Variants in FAF1 observed in about 807,000 individuals in gnomAD.
The protein encoded by FAF1 is Fas associated factor 1.
Under a neutral mutation model 92.5 loss-of-function variants are expected in FAF1, and 25 were observed. The observed-to-expected ratio is 0.27, with a 90% CI of 0.20 to 0.38. FAF1 has a LOEUF of 0.38. FAF1 is among the 10% of genes least tolerant of loss of function. The probability of loss-of-function intolerance (pLI) is 1.00; values close to 1 mark genes in which losing one functional copy is unlikely to be tolerated. For missense variants in FAF1, 636 were observed against 793.3 expected (o/e 0.80, Z 2.38); for synonymous variants, 234 against 273.2 (o/e 0.86, Z 1.42).
At chr1:50,538,029 T>C (rs1414528415) in intron 14 of FAF1, among the ~76,000 whole-genome samples, 1 of 152,088 alleles carries the variant, frequency 6.6e-6, no homozygotes, top group Non-Finnish European at 1.5e-5. Context: ...TTTTATAACA[T>C]ACATTGGTCA....
chr1:50,496,806 T>G (rs1282234800), intron 15 of FAF1, among the ~76,000 whole-genome samples: 2 of 151,980 alleles, frequency 1.3e-5, no homozygotes, highest in East Asian at 3.9e-4. Flanking sequence ...GGATAATTGC[T>G]TGAACCTGGG....
chr1:50,739,486 T>A (rs1198643449), intron 5 of FAF1, among the ~76,000 whole-genome samples: 1 of 152,176 alleles, frequency 6.6e-6, no homozygotes, highest in African/African-American at 2.4e-5. Context: ...AGCATAAACC[T>A]GAATGTTAAT....
At chr1:50,929,122 CA>C (rs1158014493) in intron 1 of FAF1, among the ~76,000 whole-genome samples, 1 of 144,920 alleles carries the variant, frequency 6.9e-6, no homozygotes. Flanking sequence ...GGAAGGCTAG[CA>C]AAATGATTCT....
At chr1:50,566,451 T>C (rs1010408787) in intron 13 of FAF1, among the ~76,000 whole-genome samples, 3 of 152,184 alleles carry the variant, frequency 2.0e-5, no homozygotes, top group South Asian at 2.1e-4. Context: ...ATATTTCAGA[T>C]GGGAAACTGA....
chr1:50,531,718 C>A (rs1648179639), intron 15 of FAF1, among the ~76,000 whole-genome samples: 1 of 152,032 alleles, frequency 6.6e-6, no homozygotes, highest in South Asian at 2.1e-4. Context: ...AAACAGAGAT[C>A]CATATAATGT....
chr1:50,576,876 A>T (rs1452284323), intron 12 of FAF1, among the ~76,000 whole-genome samples: 1 of 146,760 alleles, frequency 6.8e-6, no homozygotes, highest in Non-Finnish European at 1.5e-5. Flanking sequence ...CATGTTGCCC[A>T]GTCTGGTCTA....
chr1:50,507,033 G>A (rs1052398420), intron 15 of FAF1, among the ~76,000 whole-genome samples: 1 of 152,154 alleles, frequency 6.6e-6, no homozygotes, highest in Admixed American at 6.6e-5. Flanking sequence ...GCTCTACCGA[G>A]GAAAATTATC....
At chr1:50,895,903 A>C (rs1426961216) in intron 1 of FAF1, among the ~76,000 whole-genome samples, 1 of 152,200 alleles carries the variant, frequency 6.6e-6, no homozygotes, top group African/African-American at 2.4e-5. Context: ...ATAACTCAAC[A>C]TAAGAAAAGC....
chr1:50,866,607 A>C (rs1378855458), intron 1 of FAF1, among the ~76,000 whole-genome samples: 1 of 152,122 alleles, frequency 6.6e-6, no homozygotes, highest in Non-Finnish European at 1.5e-5. Flanking sequence ...CAAAACAAAA[A>C]ACAAAAAACC....
At chr1:50,548,964 A>C (rs1288198986) in intron 13 of FAF1, among the ~76,000 whole-genome samples, 4 of 152,220 alleles carry the variant, frequency 2.6e-5, no homozygotes, top group Non-Finnish European at 4.4e-5. Flanking sequence ...GGATTAATAA[A>C]TTCTACTTGT....
At chr1:50,812,553 T>G (rs773612345) in intron 2 of FAF1, among the ~76,000 whole-genome samples, 3 of 152,198 alleles carry the variant, frequency 2.0e-5, no homozygotes, top group African/African-American at 4.8e-5. Context: ...GAATGGCTAT[T>G]ATTTAAATCT....
At chr1:50,830,120 T>G (rs774053611) in intron 2 of FAF1, among the ~76,000 whole-genome samples, 3 of 152,128 alleles carry the variant, frequency 2.0e-5, no homozygotes, top group Non-Finnish European at 4.4e-5. Flanking sequence ...GTTTTTTGGG[T>G]CTTTTTGGTT....
intron 13 of FAF1, among the ~76,000 whole-genome samples, chr1:50,542,940 T>C (rs575058238): frequency 6.6e-6 from 1 of 152,306 alleles, no homozygotes; most frequent in South Asian, 2.1e-4. Context: ...AAATAGTTAA[T>C]CATAAGTCAG....
chr1:50,804,714 T>C (rs1468524398), intron 2 of FAF1, among the ~76,000 whole-genome samples: 1 of 152,220 alleles, frequency 6.6e-6, no homozygotes, highest in African/African-American at 2.4e-5. Flanking sequence ...CAGTAAGTTT[T>C]TGTTTGCTTT....
At chr1:50,858,456 G>A (rs192867812) in intron 1 of FAF1, among the ~76,000 whole-genome samples, 95 of 151,846 alleles carry the variant, frequency 6.3e-4, no homozygotes, top group African/African-American at 2.0e-3. Flanking sequence ...ACTACCAGCC[G>A]CTCTCTGGTA....
chr1:50,476,432 C>A (rs2148999631), intron 17 of FAF1, among the ~76,000 whole-genome samples: 1 of 152,268 alleles, frequency 6.6e-6, no homozygotes, highest in African/African-American at 2.4e-5. Flanking sequence ...ATGGACCAAA[C>A]CCTTCATTTG....
chr1:50,496,840 GA>G (rs1252167341), intron 15 of FAF1, among the ~76,000 whole-genome samples: 1 of 150,886 alleles, frequency 6.6e-6, no homozygotes, highest in African/African-American at 2.4e-5. Context: ...AGTGAGCTGA[GA>G]TTGCACCATT....
At chr1:50,556,031 T>C (rs1227320529) in intron 13 of FAF1, among the ~76,000 whole-genome samples, 1 of 151,440 alleles carries the variant, frequency 6.6e-6, no homozygotes, top group Non-Finnish European at 1.5e-5. Context: ...ACAACTCAGC[T>C]ATAAAAAAGA....
intron 1 of FAF1, among the ~76,000 whole-genome samples, chr1:50,860,419 C>A (rs1386132783): frequency 2.6e-5 from 4 of 151,510 alleles, no homozygotes; most frequent in African/African-American, 7.3e-5. Flanking sequence ...AGACAAGTAA[C>A]CCCATTAAAA....
Sources: allele counts gnomAD v4.1 joint callset (sites outside exome capture counted in the v4.1 genomes callset), GRCh38; gene constraint gnomAD v4.1.1; transcripts MANE v1.5; gene names NCBI Gene and HGNC (gene_info 2026-07-23, HGNC 2026-07-21).